The following EIF3H variants were observed in gnomAD, a reference collection of about 807,000 sequenced individuals.
EIF3H encodes the protein eukaryotic translation initiation factor 3 subunit H, also known as eIF-3-gamma.
A neutral mutation model predicts 44.2 loss-of-function variants in EIF3H; 26 were observed. The observed-to-expected ratio is 0.59, with a 90% CI of 0.43 to 0.82. The LOEUF is 0.82. Among genes scored for constraint, EIF3H ranks in the 40% least tolerant of loss-of-function variants. EIF3H has a pLI of 0.00. For synonymous variants in EIF3H, 166 were observed against 151.9 expected (o/e 1.09, Z -0.68); for missense variants, 359 against 432.8 (o/e 0.83, Z 1.51).
chr8:116,729,043 A>G (rs755158521), intron 1 of EIF3H, among the ~76,000 whole-genome samples: 5 of 152,248 alleles, frequency 3.3e-5, no homozygotes, highest in Non-Finnish European at 7.3e-5. Flanking sequence ...ACAGGTGATC[A>G]AGACGGGATA....
At chr8:116,743,769 C>CATATATATAT (rs150883678) in intron 1 of EIF3H, among the ~76,000 whole-genome samples, 20 of 97,002 alleles carry the variant, frequency 2.1e-4, no homozygotes, top group South Asian at 3.9e-4. Flanking sequence ...AAAATACATA[C>CATATATATAT]ATATATATAT....
In EIF3H at chr8:116,703,830, C is replaced by G. The variant is rs565524374; in HGVS notation, c.289+22186G>C. 2.0e-4 allele frequency among the ~76,000 whole-genome samples: 30 copies of G among 152,288 alleles called. No individual in the cohort carries two copies. In the South Asian group the frequency reaches 2.9e-3, roughly 15 times the overall value. On this transcript the variant is annotated intron_variant, in intron 2 of 7. Coordinates refer to ENST00000521861, the MANE Select transcript of EIF3H (RefSeq NM_003756.3). ...CCCCCAGGCCCAGCTGTCTTTTCTT[C>G]TGTCTCTTTGTCTTGTGTCTTTATT...
intron 5 of EIF3H, among the ~76,000 whole-genome samples, chr8:116,652,623 A>G (rs1813414583): frequency 6.6e-6 from 1 of 152,228 alleles, no homozygotes; most frequent in South Asian, 2.1e-4. Context: ...GTACGTAGAT[A>G]GAGTGCAAAT....
At chr8:116,720,424 A>C (rs1814725159) in intron 2 of EIF3H, among the ~76,000 whole-genome samples, 1 of 152,148 alleles carries the variant, frequency 6.6e-6, no homozygotes, top group Non-Finnish European at 1.5e-5. Flanking sequence ...ATGACTGTGA[A>C]GCCTCCCCAT....
chr8:116,755,878 C>A, upstream of EIF3H: 1 of 1,584,534 alleles, frequency 6.3e-7, no homozygotes, highest in Non-Finnish European at 8.5e-7. Context: ...CACTCGCAGG[C>A]CGGCGTTCGA....
At chr8:116,746,311 A>C (rs941618242) in intron 1 of EIF3H, among the ~76,000 whole-genome samples, 1 of 152,210 alleles carries the variant, frequency 6.6e-6, no homozygotes, top group Non-Finnish European at 1.5e-5. Flanking sequence ...CTTAACTTCT[A>C]TTTCCTCCAT....
intron 2 of EIF3H, among the ~76,000 whole-genome samples, chr8:116,671,221 G>A (rs1166272079): frequency 1.3e-5 from 2 of 152,184 alleles, no homozygotes; most frequent in Non-Finnish European, 2.9e-5. Context: ...CAGCTTGTTT[G>A]TCATCCCCTA....
At chr8:116,689,389 C>T (rs1349188188) in intron 2 of EIF3H, among the ~76,000 whole-genome samples, 5 of 152,012 alleles carry the variant, frequency 3.3e-5, no homozygotes, top group African/African-American at 9.7e-5. Flanking sequence ...ACACTTTAAA[C>T]GGGTGAACTA....
chr8:116,728,361 G>C (rs1280520548), intron 1 of EIF3H, among the ~76,000 whole-genome samples: 2 of 151,992 alleles, frequency 1.3e-5, no homozygotes, highest in African/African-American at 4.8e-5. Context: ...CACACATCTA[G>C]GAAGTAGTAG....
At position 116,658,922 on chromosome 8, in the gene EIF3H, G is replaced by A. The variant is rs1233806522; in HGVS notation, c.348C>T (p.His116=). The change falls in exon 3 of 8, where the codon CAC becomes CAT. Residue 116 remains histidine (H), a synonymous_variant. Transcript: ENST00000521861. ...SLRHVNIDHL[H]VGWYQSTYYG... is the part of the protein sequence containing the mutation. The stretch of plus-strand genomic sequence containing the variant: ...AGTATGTGGACTGATACCAGCCCAC[G>A]TGAAGATGATCAATGTTTACATGGC... 3.7e-6 allele frequency: 6 copies of A among 1,613,532 alleles called. No homozygotes were observed. The highest frequency in any genetic ancestry group is 4.5e-5 in the East Asian group (2 of 44,870).
intron 1 of EIF3H, among the ~76,000 whole-genome samples, chr8:116,734,536 T>C (rs1815001690): frequency 6.6e-6 from 1 of 152,088 alleles, no homozygotes; most frequent in African/African-American, 2.4e-5. Flanking sequence ...GGTAGATAAA[T>C]AATAACCCCA....
chr8:116,702,878 G>T (rs1206903403), intron 2 of EIF3H, among the ~76,000 whole-genome samples: 3 of 152,152 alleles, frequency 2.0e-5, no homozygotes, highest in African/African-American at 7.2e-5. Context: ...ATAGAAGGTT[G>T]TGGGGATTGT....
intron 1 of EIF3H, among the ~76,000 whole-genome samples, chr8:116,733,843 T>C (rs1328733640): frequency 6.6e-6 from 1 of 152,178 alleles, no homozygotes; most frequent in Non-Finnish European, 1.5e-5. Flanking sequence ...ACAAGGTAAT[T>C]TTATCAGAAT....
At chr8:116,686,158 C>T (rs182273017) in intron 2 of EIF3H, among the ~76,000 whole-genome samples, 4 of 152,214 alleles carry the variant, frequency 2.6e-5, no homozygotes, top group Admixed American at 2.6e-4. Context: ...ACTTCTATCC[C>T]TTCCCTACTG....
chr8:116,693,274 T>C (rs1814210822), intron 2 of EIF3H, among the ~76,000 whole-genome samples: 1 of 152,242 alleles, frequency 6.6e-6, no homozygotes, highest in Non-Finnish European at 1.5e-5. Flanking sequence ...TAACTAAGTA[T>C]CATTTGACAT....
chr8:116,694,741 T>G (rs1348991101), intron 2 of EIF3H, among the ~76,000 whole-genome samples: 1 of 152,214 alleles, frequency 6.6e-6, no homozygotes, highest in Non-Finnish European at 1.5e-5. Flanking sequence ...TGTAAATTAT[T>G]TTTGAAAAGA....
chr8:116,760,324 T>C (rs1392643241), upstream of EIF3H, among the ~76,000 whole-genome samples: 1 of 152,244 alleles, frequency 6.6e-6, no homozygotes, highest in Non-Finnish European at 1.5e-5. Flanking sequence ...TTGAGATCAA[T>C]TTAAGTCATA....
At chr8:116,735,380 T>C (rs1243286479) in intron 1 of EIF3H, among the ~76,000 whole-genome samples, 1 of 152,124 alleles carries the variant, frequency 6.6e-6, no homozygotes, top group Non-Finnish European at 1.5e-5. Context: ...AAGCTAAACA[T>C]AAACGCACCA....
At chr8:116,752,262 T>G (rs1815356524) in intron 1 of EIF3H, among the ~76,000 whole-genome samples, 1 of 152,186 alleles carries the variant, frequency 6.6e-6, no homozygotes, top group African/African-American at 2.4e-5. Flanking sequence ...TACTGGTGGA[T>G]GCAGACTGGA....
Sources: gnomAD v4.1 joint callset for allele counts (sites outside exome capture counted in the v4.1 genomes callset) on GRCh38, gnomAD v4.1.1 for gene constraint, MANE v1.5 for transcripts, NCBI Gene and HGNC (gene_info 2026-07-23, HGNC 2026-07-21) for gene names.